The following COLQ variants were observed in gnomAD, a reference collection of about 807,000 sequenced individuals.
COLQ encodes the protein acetylcholinesterase collagenic tail peptide.
COLQ carries 48 observed loss-of-function variants against 69.0 expected under a neutral mutation model. That is an observed-to-expected ratio of 0.70 (90% CI 0.55 to 0.88). The LOEUF (loss-of-function observed/expected upper bound fraction) is 0.88. Among genes scored for constraint, COLQ ranks in the 40% least tolerant of loss-of-function variants. COLQ has a pLI of 0.00. For missense variants in COLQ, 618 were observed against 594.6 expected, an observed-to-expected ratio of 1.04 and a Z score of -0.41; for synonymous variants, 217 against 211.2, an observed-to-expected ratio of 1.03 and a Z score of -0.24.
intron 1 of COLQ, among the ~76,000 whole-genome samples, chr3:15,494,343 G>A (rs1262733620): frequency 6.6e-6 from 1 of 152,172 alleles, no homozygotes; most frequent in Non-Finnish European, 1.5e-5. Context: ...CTGATGCAGA[G>A]AAACGGGGCC....
chr3:15,480,906 G>C (rs985612888), intron 3 of COLQ, among the ~76,000 whole-genome samples: 9 of 152,172 alleles, frequency 5.9e-5, no homozygotes, highest in Non-Finnish European at 1.3e-4. Context: ...TTGTGGTTTT[G>C]ATTTGCATTT....
intron 6 of COLQ, among the ~76,000 whole-genome samples, chr3:15,476,363 G>C (rs2062378026): frequency 6.6e-6 from 1 of 152,210 alleles, no homozygotes; most frequent in African/African-American, 2.4e-5. Flanking sequence ...TTCCTCAGTA[G>C]CACTAGCAAC....
At chr3:15,494,285 C>T (rs2125148386) in intron 1 of COLQ, among the ~76,000 whole-genome samples, 1 of 152,064 alleles carries the variant, frequency 6.6e-6, no homozygotes, top group Middle Eastern at 3.4e-3. Flanking sequence ...GGAGGACAGG[C>T]TTGGAGAATG....
At chr3:15,454,745 C>T (rs1223474346) in intron 15 of COLQ, among the ~76,000 whole-genome samples, 1 of 150,742 alleles carries the variant, frequency 6.6e-6, no homozygotes, top group African/African-American at 2.5e-5. Context: ...AGCCTTGAAC[C>T]CCTGGGCTCA....
intron 1 of COLQ, among the ~76,000 whole-genome samples, 156 bp downstream of exon 1, chr3:15,521,364 G>T (rs575945563): frequency 6.6e-6 from 1 of 152,164 alleles, no homozygotes; most frequent in Non-Finnish European, 1.5e-5. Context: ...AGACAAGCTC[G>T]GGTGACAGGA....
intron 1 of COLQ, among the ~76,000 whole-genome samples, chr3:15,512,491 C>A (rs1393182387): frequency 6.6e-6 from 1 of 152,198 alleles, no homozygotes; most frequent in East Asian, 1.9e-4. Flanking sequence ...GAGAAGCCTC[C>A]TTCTCTGGGC....
At chr3:15,503,767 A>C (rs911760053) in intron 1 of COLQ, among the ~76,000 whole-genome samples, 2 of 152,130 alleles carry the variant, frequency 1.3e-5, no homozygotes, top group African/African-American at 4.8e-5. Flanking sequence ...CCAGGATTGA[A>C]TCTGGATGTC....
intron 1 of COLQ, among the ~76,000 whole-genome samples, chr3:15,497,029 C>T (rs978822119): frequency 4.2e-5 from 6 of 142,592 alleles, no homozygotes; most frequent in African/African-American, 1.6e-4. Context: ...CTCCAAAGTC[C>T]TTTTGCCTTT....
intron 14 of COLQ, 28 bp from the exon 15 acceptor site, chr3:15,456,047 T>G: frequency 6.2e-7 from 1 of 1,613,606 alleles, no homozygotes; most frequent in South Asian, 1.1e-5. Flanking sequence ...CAGCATTAAC[T>G]GGAGCATGGC....
At chr3:15,499,856 G>A (rs1348838558) in intron 1 of COLQ, among the ~76,000 whole-genome samples, 1 of 152,176 alleles carries the variant, frequency 6.6e-6, no homozygotes, top group Admixed American at 6.5e-5. Context: ...TTCTTTCGGA[G>A]TCTAAGCTTT....
intron 12 of COLQ, among the ~76,000 whole-genome samples, chr3:15,459,330 T>C (rs2062072101): frequency 6.6e-6 from 1 of 152,142 alleles, no homozygotes; most frequent in Admixed American, 6.6e-5. Context: ...GTGAGGGTAG[T>C]ACCTTGGTTT....
intron 1 of COLQ, among the ~76,000 whole-genome samples, chr3:15,508,018 T>C (rs771585074): frequency 6.6e-6 from 1 of 152,194 alleles, no homozygotes; most frequent in Non-Finnish European, 1.5e-5. Flanking sequence ...GGTAGAATTC[T>C]CGCCTCCCAC....
At chr3:15,494,180 A>G (rs2062711543) in intron 1 of COLQ, among the ~76,000 whole-genome samples, 1 of 152,212 alleles carries the variant, frequency 6.6e-6, no homozygotes, top group Non-Finnish European at 1.5e-5. Context: ...CTTTAATTGG[A>G]AAGTCGTAGG....
intron 3 of COLQ, among the ~76,000 whole-genome samples, chr3:15,483,776 TTC>T (rs1304331427): frequency 1.3e-5 from 2 of 152,204 alleles, no homozygotes. Flanking sequence ...CTTGTTAACT[TTC>T]TGTCTCATTG....
At chr3:15,461,745 T>C (rs9883266) in intron 12 of COLQ, among the ~76,000 whole-genome samples, 4,403 of 151,836 alleles carry the variant, frequency 0.029, 192 homozygotes, top group African/African-American at 0.097. Context: ...AAGGGGAGGG[T>C]AGGACTAGAC....
chr3:15,490,781 G>A (rs1033187567), intron 1 of COLQ, among the ~76,000 whole-genome samples: 14 of 152,254 alleles, frequency 9.2e-5, no homozygotes. Flanking sequence ...TAGCTGGCCA[G>A]AATGTAAATT....
At chr3:15,512,063 G>A (rs1232741993) in intron 1 of COLQ, among the ~76,000 whole-genome samples, 1 of 152,116 alleles carries the variant, frequency 6.6e-6, no homozygotes, top group Non-Finnish European at 1.5e-5. Flanking sequence ...GAAACCCCTG[G>A]AAAGTCCTCT....
rs1346440581 is a variant in COLQ at position 15,475,474 on chromosome 3, T to C, written c.479A>G (p.Asp160Gly). 3 of 1,598,750 alleles carry C rather than the reference T, an allele frequency of 1.9e-6. No individual in the cohort carries two copies. Among genetic ancestry groups the C allele is most frequent in the Non-Finnish European group, 1.7e-6 (2 of 1,171,598 alleles). Residue 160 changes from aspartate to glycine, a missense_variant, in exon 7 of 17, where the codon GAC (aspartate) becomes GGC (glycine). Coordinates refer to ENST00000383788, the MANE Select transcript of COLQ (RefSeq NM_005677.4). ...CCCTGGCAAGCCCATCATACCCAGGTCACCTTTTTCACCCTGTGGGAATTA... is the reference window on the plus strand; with the variant it reads ...CCCTGGCAAGCCCATCATACCCAGGCCACCTTTTTCACCCTGTGGGAATTA... ...GPEGPRGEKGDLGMMGLPGSR... is the reference protein window; with the variant it reads ...GPEGPRGEKGGLGMMGLPGSR...
In COLQ at chr3:15,505,871, T is replaced by A. The variant is rs1010051443; in HGVS notation, c.106+15649A>T. On this transcript the variant is annotated intron_variant, in intron 1 of 16. Transcript: ENST00000383788. ...CCTTCATTTTTCCATGGTGACAGTTTAGCTCTATAGGCACTTGTAATTCAA... is the reference window on the plus strand; with the variant it reads ...CCTTCATTTTTCCATGGTGACAGTTAAGCTCTATAGGCACTTGTAATTCAA... Among the ~76,000 whole-genome samples the A allele has an allele frequency of 2.6e-5, 4 of 152,244 alleles. No individual in the cohort carries two copies. The South Asian group carries it at 8.3e-4, about 32-fold the overall frequency.
Sources: allele counts gnomAD v4.1 joint callset (sites outside exome capture counted in the v4.1 genomes callset), GRCh38; gene constraint gnomAD v4.1.1; transcripts MANE v1.5; gene names NCBI Gene and HGNC (gene_info 2026-07-23, HGNC 2026-07-21).